The following TSR1 variants were observed in gnomAD, a reference collection of about 807,000 sequenced individuals.
TSR1 encodes pre-rRNA-processing protein TSR1 homolog.
TSR1 carries 81 observed loss-of-function variants against 90.9 expected under a neutral mutation model. The observed-to-expected ratio is 0.89, with a 90% CI of 0.74 to 1.07. The LOEUF (loss-of-function observed/expected upper bound fraction) is 1.07. Among genes scored for constraint, TSR1 ranks in the 50% least tolerant of loss-of-function variants. The pLI is 0.00. For synonymous variants in TSR1, 362 were observed against 348.8 expected (o/e 1.04, Z -0.42); for missense variants, 989 against 987.3 (o/e 1.00, Z -0.02).
rs761568320 is a variant in TSR1, at chr17:2,332,945, G to A, written c.1305+16C>T. ...GGAGCTAGACACAGAATTGGCCTAA[G>A]GCCTCATTTCCTTACCTGAGATTCC... On this transcript the variant is annotated intron_variant, in intron 7 of 14. Coordinates refer to ENST00000301364, the MANE Select transcript of TSR1 (RefSeq NM_018128.5). 3 of 1,611,314 alleles carry A rather than the reference G, an allele frequency of 1.9e-6. No homozygotes were observed. The highest frequency in any genetic ancestry group is 2.2e-5 in the South Asian group (2 of 90,674).
chr17:2,335,906 G>C (rs2064066255), intron 2 of TSR1, 131 bp downstream of exon 2: 2 of 1,230,088 alleles, frequency 1.6e-6, no homozygotes, highest in Non-Finnish European at 2.3e-6. Flanking sequence ...TGCTAGACCT[G>C]CACGCTCGAC....
chr17:2,330,858 A>G, intron 9 of TSR1, 89 bp downstream of exon 9: 1 of 1,445,166 alleles, frequency 6.9e-7, no homozygotes, highest in Middle Eastern at 2.1e-4. Context: ...CCCCAAATGC[A>G]GCATATTTTC....
chr17:2,323,821 C>T lies in TSR1; in HGVS notation c.*375G>A. The T allele has an allele frequency of 6.2e-7, 1 of 1,614,174 alleles. No individual in the cohort carries two copies. The highest frequency in any genetic ancestry group is 2.2e-5 in the East Asian group (1 of 44,880). ...AATGTAGACTTAACCTCCTCCATAACTTGGGTGAAGCAGGCTGAAAGGCCA... is the reference window on the plus strand; with the variant it reads ...AATGTAGACTTAACCTCCTCCATAATTTGGGTGAAGCAGGCTGAAAGGCCA... On this transcript the variant is annotated 3_prime_UTR_variant, in exon 15 of 15. Coordinates refer to ENST00000301364, the MANE Select transcript of TSR1 (RefSeq NM_018128.5).
intron 10 of TSR1, 91 bp from the exon 11 acceptor site, chr17:2,329,566 G>T: frequency 6.8e-7 from 1 of 1,474,740 alleles, no homozygotes; most frequent in South Asian, 1.2e-5. Flanking sequence ...AGCAGATTCA[G>T]ACTCATTCTA....
intron 11 of TSR1, chr17:2,329,027 G>A: frequency 2.0e-6 from 1 of 499,714 alleles, no homozygotes; most frequent in Non-Finnish European, 3.8e-6. Flanking sequence ...TGGGATTACA[G>A]GTGTGAACCA....
intron 5 of TSR1, 42 bp from the exon 6 acceptor site, chr17:2,333,758 A>G: frequency 6.2e-7 from 1 of 1,611,188 alleles, no homozygotes. Flanking sequence ...TGAACCAAAA[A>G]TCTCCTAAAT....
Position 2,323,297 on chromosome 17 carries a change from C to A in TSR1, c.*899G>T. ...TTGGCTTGAACACCTGGCCTATTATCAGGGACCTTGTGGATGATATCTTCA... is the reference window on the plus strand; with the variant it reads ...TTGGCTTGAACACCTGGCCTATTATAAGGGACCTTGTGGATGATATCTTCA... On this transcript the variant is annotated 3_prime_UTR_variant, in exon 15 of 15. Coordinates refer to ENST00000301364, the MANE Select transcript of TSR1 (RefSeq NM_018128.5). 4 of 1,614,070 alleles carry A rather than the reference C, an allele frequency of 2.5e-6. No individual in the cohort carries two copies. Among genetic ancestry groups the A allele is most frequent in the Non-Finnish European group, 3.4e-6 (4 of 1,179,950 alleles).
Position 2,336,411 on chromosome 17 carries a change from G to C in TSR1, c.17C>G (p.Pro6Arg), listed in dbSNP as rs1342316331. The change falls in exon 1 of 15, where the codon CCC (proline) becomes CGC (arginine). Residue 6 changes from proline to arginine, a missense_variant. Pro to Arg is a moderately radical substitution (Grantham distance 103). Transcript: ENST00000301364. ...TTTATTCTGCTGCTTGAGCGGGCCG[G>C]GGCGGTGGGCCGCCATGCCGCAGCG... MAAHR[P>R]GPLKQQNKAH... 1.9e-6 allele frequency: 3 copies of C among 1,611,494 alleles called. No homozygotes were observed. The highest frequency in any genetic ancestry group is 1.7e-5 in the Admixed American group (1 of 59,986).
intron 5 of TSR1, 89 bp from the exon 6 acceptor site, chr17:2,333,805 C>A: frequency 6.6e-7 from 1 of 1,520,056 alleles, no homozygotes; most frequent in Non-Finnish European, 9.0e-7. Flanking sequence ...AAATATCAGT[C>A]CTCATGTATA....
chr17:2,323,740 A>G lies in TSR1; in HGVS notation c.*456T>C, dbSNP rs748073301. ...GGAGTGGCTGCTGTGCTGTCTCAAC[A>G]TTTTCAAACTGTTTCCCCAGAAGTA... On this transcript the variant is annotated 3_prime_UTR_variant, in exon 15 of 15. Coordinates refer to ENST00000301364, the MANE Select transcript of TSR1 (RefSeq NM_018128.5). 6 of 1,614,016 alleles carry G rather than the reference A, an allele frequency of 3.7e-6. No individual in the cohort carries two copies. In the East Asian group the frequency reaches 1.1e-4, roughly 30 times the overall value.
chr17:2,329,295 T>C (rs2075592058), intron 11 of TSR1, 48 bp downstream of exon 11: 1 of 1,611,764 alleles, frequency 6.2e-7, no homozygotes, highest in East Asian at 2.2e-5. Context: ...CACAAGTCAC[T>C]TTCCCAAAAG....
At chr17:2,331,235 C>T in intron 8 of TSR1, 126 bp from the exon 9 acceptor site, 1 of 758,472 alleles carries the variant, frequency 1.3e-6, no homozygotes. Context: ...CTCCAAACAA[C>T]CCAACAGCTT....
intron 11 of TSR1, among the ~76,000 whole-genome samples, chr17:2,327,642 T>A (rs2075582963): frequency 6.6e-6 from 1 of 152,148 alleles, no homozygotes; most frequent in Non-Finnish European, 1.5e-5. Context: ...CTCAAATAAG[T>A]ATCAGTACAT....
Position 2,336,057 on chromosome 17 carries a change from G to A in TSR1, c.181C>T (p.Arg61Ter), listed in dbSNP as rs759306461. Residue 61 changes from arginine to a stop codon, truncating the protein, a stop_gained, in exon 2 of 15, where the codon CGA becomes TGA. Coordinates refer to ENST00000301364, the MANE Select transcript of TSR1 (RefSeq NM_018128.5). LOFTEE classifies it high-confidence loss of function. ...CTCACCGCCTCCTTCTTCTGCTTTC[G>A]GAGCTGGCTGGCGCGATGCCTCTGG... ...VDQRHRASQL[R>*]KQKKEAVLAE... The A allele has an allele frequency of 1.7e-5, 27 of 1,614,016 alleles. No homozygotes were observed. The highest frequency in any genetic ancestry group is 5.5e-5 in the South Asian group (5 of 91,090).
chr17:2,331,167 C>G (rs2151441014), intron 8 of TSR1, 58 bp from the exon 9 acceptor site: 5 of 1,365,998 alleles, frequency 3.7e-6, no homozygotes, highest in Admixed American at 2.7e-5. Flanking sequence ...GCTATATAGA[C>G]TCAAGTCACT....
intron 11 of TSR1, among the ~76,000 whole-genome samples, chr17:2,328,706 G>A (rs1341905458): frequency 2.0e-5 from 3 of 151,086 alleles, no homozygotes; most frequent in Non-Finnish European, 4.4e-5. Flanking sequence ...CACGAGGTCA[G>A]GAGATAGAGA....
Position 2,323,626 on chromosome 17 carries a change from C to G in TSR1, c.*570G>C. ...GTAAACCAACTAGACTCCCCTTTCA[C>G]TAATTCCTACTCCCTTCCATATCAA... On this transcript the variant is annotated 3_prime_UTR_variant, in exon 15 of 15. Transcript: ENST00000301364. 1 of 1,608,996 alleles carries G rather than the reference C, an allele frequency of 6.2e-7. No individual in the cohort carries two copies. The highest frequency in any genetic ancestry group is 8.5e-7 in the Non-Finnish European group (1 of 1,175,658).
intron 12 of TSR1, 92 bp downstream of exon 12, chr17:2,325,211 AC>A (rs2075568805): frequency 2.2e-6 from 2 of 897,588 alleles, no homozygotes; most frequent in Non-Finnish European, 3.4e-6. Flanking sequence ...CCTTCTCCAT[AC>A]CATTTGGCTC....
At chr17:2,332,462 C>A in intron 7 of TSR1, 103 bp from the exon 8 acceptor site, 1 of 984,964 alleles carries the variant, frequency 1.0e-6, no homozygotes, top group South Asian at 1.7e-5. Context: ...TCCCTATTCC[C>A]AACCAACATA....
Sources: allele counts gnomAD v4.1 joint callset (sites outside exome capture counted in the v4.1 genomes callset), GRCh38; gene constraint gnomAD v4.1.1; transcripts MANE v1.5; gene names NCBI Gene and HGNC (gene_info 2026-07-23, HGNC 2026-07-21).